CSMD1: variants seen among roughly 807,000 people sequenced by gnomAD.
The protein encoded by CSMD1 is CUB and sushi domain-containing protein 1.
Under a neutral mutation model 417.5 loss-of-function variants are expected in CSMD1, and 213 were observed. The ratio of observed to expected loss-of-function variants is 0.51; its 90% CI spans 0.46 to 0.57. The LOEUF (loss-of-function observed/expected upper bound fraction) is 0.57. Among genes scored for constraint, CSMD1 ranks in the 20% least tolerant of loss-of-function variants. The pLI is 0.00. For synonymous variants in CSMD1, 2,862 were observed against 1,736.8 expected (o/e 1.65, Z -16.11); for missense variants, 6,923 against 4,529.7 (o/e 1.53, Z -15.17).
intron 4 of CSMD1, among the ~76,000 whole-genome samples, chr8:4,028,499 C>G (rs1241143057): frequency 6.7e-6 from 1 of 149,240 alleles, no homozygotes; most frequent in African/African-American, 2.5e-5. Flanking sequence ...TAACATTTTA[C>G]AAAAAAAGGA....
intron 25 of CSMD1, among the ~76,000 whole-genome samples, chr8:3,297,453 T>A (rs1456425964): frequency 6.6e-6 from 1 of 152,138 alleles, no homozygotes; most frequent in Admixed American, 6.6e-5. Flanking sequence ...TAAGTTAGGT[T>A]TTGTACTAGA....
intron 3 of CSMD1, among the ~76,000 whole-genome samples, chr8:4,073,163 G>C (rs1215449619): frequency 6.6e-6 from 1 of 152,016 alleles, no homozygotes; most frequent in African/African-American, 2.4e-5. Flanking sequence ...TTCACTTTTA[G>C]AAAAAATCGA....
At chr8:3,601,033 T>C (rs961841018) in intron 8 of CSMD1, among the ~76,000 whole-genome samples, 1 of 152,168 alleles carries the variant, frequency 6.6e-6, no homozygotes, top group Non-Finnish European at 1.5e-5. Flanking sequence ...TGATTGGACA[T>C]TTTTCATTCA....
rs772789592 is a variant in CSMD1, at chr8:3,348,204, AATT to A, written c.3305-46_3305-44del. The A allele has an allele frequency of 1.8e-5, 27 of 1,525,832 alleles. 1 individual carries two copies. The Admixed American group carries it at 4.6e-4, about 26-fold the overall frequency. The allele number at this position is 1,525,832 out of a possible 1,614,324, so 94.5% of individuals were successfully genotyped here. The stretch of plus-strand genomic sequence containing the variant: ...TGAGAGAAAGAGGATTCAAAAGTGG[AATT>A]ACTGTTTTTAACAGATTAAAAACTT... On this transcript the variant is annotated intron_variant, in intron 21 of 69. Transcript: ENST00000635120.
chr8:3,643,631 G>A (rs796808599), intron 7 of CSMD1, among the ~76,000 whole-genome samples: 5 of 149,846 alleles, frequency 3.3e-5, no homozygotes, highest in East Asian at 2.0e-4. Context: ...AACCCGGGAG[G>A]TGGAGCTTGC....
intron 3 of CSMD1, among the ~76,000 whole-genome samples, chr8:4,054,640 G>A (rs1330861646): frequency 6.6e-6 from 1 of 152,084 alleles, no homozygotes; most frequent in East Asian, 1.9e-4. Flanking sequence ...AAACACATAG[G>A]TAATGAACAG....
chr8:3,318,783 C>A (rs938612193), intron 23 of CSMD1, among the ~76,000 whole-genome samples: 2 of 152,130 alleles, frequency 1.3e-5, no homozygotes, highest in Non-Finnish European at 2.9e-5. Flanking sequence ...GATCCGAGCA[C>A]AGGGCAGCCC....
intron 21 of CSMD1, among the ~76,000 whole-genome samples, chr8:3,358,368 G>C (rs983455639): frequency 1.3e-5 from 2 of 152,180 alleles, no homozygotes; most frequent in African/African-American, 2.4e-5. Flanking sequence ...AACATGGCTG[G>C]GTGGCAGGAA....
At chr8:3,527,648 C>T (rs963207686) in intron 10 of CSMD1, among the ~76,000 whole-genome samples, 8 of 152,106 alleles carry the variant, frequency 5.3e-5, no homozygotes, top group African/African-American at 1.7e-4. Flanking sequence ...CAAACCAGGT[C>T]TGCAGCTCAT....
intron 3 of CSMD1, among the ~76,000 whole-genome samples, chr8:4,208,029 A>G (rs774403138): frequency 5.9e-5 from 9 of 152,186 alleles, no homozygotes; most frequent in Non-Finnish European, 1.2e-4. Context: ...ACAGTAGGAG[A>G]ATATGTAAAT....
At chr8:3,975,574 G>C (rs1248753144) in intron 5 of CSMD1, among the ~76,000 whole-genome samples, 1 of 152,156 alleles carries the variant, frequency 6.6e-6, no homozygotes, top group Non-Finnish European at 1.5e-5. Context: ...CGCTTTATCA[G>C]AGAGAAGCTG....
intron 2 of CSMD1, among the ~76,000 whole-genome samples, chr8:4,446,614 C>T (rs187863972): frequency 4.3e-4 from 65 of 152,218 alleles, no homozygotes; most frequent in Middle Eastern, 3.4e-3. Context: ...AGTGCAGCAG[C>T]GCGATCTCAG....
At chr8:3,998,140 C>A (rs781745324) in intron 4 of CSMD1, 30 bp from the exon 5 acceptor site, 136 of 1,534,914 alleles carry the variant, frequency 8.9e-5, no homozygotes, top group Non-Finnish European at 1.1e-4. Flanking sequence ...AAGAAAGCAT[C>A]ACATTTCAGG....
intron 23 of CSMD1, among the ~76,000 whole-genome samples, chr8:3,316,259 C>T (rs1805749387): frequency 6.6e-6 from 1 of 152,108 alleles, no homozygotes; most frequent in Admixed American, 6.5e-5. Flanking sequence ...ACCATGTGCC[C>T]TGTGCCCCAT....
chr8:4,460,706 A>G (rs116046517), intron 2 of CSMD1, among the ~76,000 whole-genome samples: 109 of 152,302 alleles, frequency 7.2e-4, no homozygotes, highest in African/African-American at 2.6e-3. Context: ...AACAAACTGG[A>G]TGACTACAAA....
Position 3,652,520 on chromosome 8 carries a change from C to T in CSMD1, c.1010-35723G>A, listed in dbSNP as rs188366071. ...TAAAGGAAGCGGATTAATGGACTCA[C>T]ATTTCAGCATGGCTGGGGAGGCCTC... On this transcript the variant is annotated intron_variant, in intron 7 of 69. Coordinates refer to ENST00000635120, the MANE Select transcript of CSMD1 (RefSeq NM_033225.6). 2.4e-3 allele frequency among the ~76,000 whole-genome samples: 367 copies of T among 152,322 alleles called. 2 individuals are homozygous for T. Among genetic ancestry groups the T allele is most frequent in the Middle Eastern group, 6.8e-3 (2 of 294 alleles).
At chr8:3,616,969 G>C (rs368947918) in intron 7 of CSMD1, among the ~76,000 whole-genome samples, 172 bp from the exon 8 acceptor site, 7 of 133,210 alleles carry the variant, frequency 5.3e-5, no homozygotes, top group African/African-American at 1.9e-4. Context: ...ATTCTGATTG[G>C]TGAAAATCAA....
At chr8:3,274,889 C>T (rs1802156761) in intron 26 of CSMD1, among the ~76,000 whole-genome samples, 2 of 152,106 alleles carry the variant, frequency 1.3e-5, no homozygotes, top group East Asian at 1.9e-4. Flanking sequence ...TCCAGTTTGC[C>T]AGTCTGTGTC....
At chr8:3,831,211 A>G (rs1563124073) in intron 5 of CSMD1, among the ~76,000 whole-genome samples, 1 of 152,246 alleles carries the variant, frequency 6.6e-6, no homozygotes, top group African/African-American at 2.4e-5. Flanking sequence ...TCACAAAAGC[A>G]TGTGGAAAGT....
Sources: gnomAD v4.1 joint callset for allele counts (sites outside exome capture counted in the v4.1 genomes callset) on GRCh38, gnomAD v4.1.1 for gene constraint, MANE v1.5 for transcripts, NCBI Gene and HGNC (gene_info 2026-07-23, HGNC 2026-07-21) for gene names.